The following FRMD4A variants were observed in gnomAD, a reference collection of about 807,000 sequenced individuals.
FRMD4A encodes the protein FERM domain containing 4A, also known as FERM domain-containing protein 4A.
A neutral mutation model predicts 129.1 loss-of-function variants in FRMD4A; 29 were observed. The observed-to-expected ratio is 0.22, with a 90% CI of 0.17 to 0.31. FRMD4A has a LOEUF of 0.31. Among genes scored for constraint, FRMD4A ranks in the 10% least tolerant of loss-of-function variants. FRMD4A has a pLI of 1.00. For synonymous variants in FRMD4A, 634 were observed against 571.6 expected, an observed-to-expected ratio of 1.11 and a Z score of -1.56; for missense variants, 1,272 against 1,375.8, an observed-to-expected ratio of 0.92 and a Z score of 1.19.
intron 3 of FRMD4A, among the ~76,000 whole-genome samples, chr10:13,824,133 C>T (rs1338805782): frequency 6.6e-6 from 1 of 152,000 alleles, no homozygotes; most frequent in Admixed American, 6.6e-5. Context: ...TGCATATCCA[C>T]AGGTTCTGCA....
intron 2 of FRMD4A, chr10:13,890,425 T>C (rs1359115334): frequency 9.6e-6 from 6 of 625,438 alleles, no homozygotes; most frequent in Non-Finnish European, 1.2e-5. Context: ...TCCCGGGCTC[T>C]CTGAGCGGTG....
intron 2 of FRMD4A, among the ~76,000 whole-genome samples, chr10:13,922,193 T>C (rs1380308306): frequency 1.3e-5 from 2 of 152,176 alleles, no homozygotes; most frequent in Non-Finnish European, 2.9e-5. Flanking sequence ...TAAATGTCTG[T>C]TGGTTAAGCC....
chr10:13,754,166 A>C (rs1477281034), intron 8 of FRMD4A, among the ~76,000 whole-genome samples: 1 of 152,220 alleles, frequency 6.6e-6, no homozygotes, highest in Admixed American at 6.5e-5. Context: ...GGTATAACTG[A>C]AAATATGATA....
At chr10:13,807,643 G>A (rs1192116978) in intron 4 of FRMD4A, among the ~76,000 whole-genome samples, 1 of 152,136 alleles carries the variant, frequency 6.6e-6, no homozygotes, top group Admixed American at 6.5e-5. Context: ...TGGAGTGAGA[G>A]AAGCTTAGAG....
At chr10:14,034,877 C>T (rs1377484801) in intron 2 of FRMD4A, among the ~76,000 whole-genome samples, 1 of 152,144 alleles carries the variant, frequency 6.6e-6, no homozygotes, top group Non-Finnish European at 1.5e-5. Context: ...GGACAATTTC[C>T]TGGTGGGAGG....
chr10:14,174,866 AGTGTGTGTGTGTCTGTGTGTGTGTGT>A (rs1316947034), intron 2 of FRMD4A, among the ~76,000 whole-genome samples: 11 of 139,524 alleles, frequency 7.9e-5, no homozygotes, highest in Admixed American at 2.1e-4. Flanking sequence ...TAAAAAAAAA[AGTGTGTGTGTGTCTGTGTGTGTGTGT>A]GTGTGTGTGT....
intron 2 of FRMD4A, among the ~76,000 whole-genome samples, chr10:14,110,783 T>A (rs1457127336): frequency 6.6e-6 from 1 of 152,220 alleles, no homozygotes; most frequent in Non-Finnish European, 1.5e-5. Flanking sequence ...AGTTACTTTT[T>A]TCTTTTTAAT....
intron 2 of FRMD4A, among the ~76,000 whole-genome samples, chr10:14,216,160 C>T (rs1283792657): frequency 2.6e-5 from 4 of 152,146 alleles, no homozygotes; most frequent in Admixed American, 2.6e-4. Flanking sequence ...AATTCCGTCC[C>T]GGGGTCTGAG....
chr10:14,236,302 T>C (rs1843812603), intron 2 of FRMD4A, among the ~76,000 whole-genome samples: 1 of 152,188 alleles, frequency 6.6e-6, no homozygotes, highest in African/African-American at 2.4e-5. Flanking sequence ...GAGCTCTTGG[T>C]TGTAATCCAA....
At chr10:14,106,908 A>T (rs909455022) in intron 2 of FRMD4A, among the ~76,000 whole-genome samples, 10 of 152,188 alleles carry the variant, frequency 6.6e-5, no homozygotes, top group African/African-American at 2.4e-4. Flanking sequence ...TCGTATGTTT[A>T]TCACAGCACT....
intron 3 of FRMD4A, among the ~76,000 whole-genome samples, chr10:13,814,491 G>A (rs574223548): frequency 6.8e-6 from 1 of 145,992 alleles, no homozygotes; most frequent in South Asian, 2.2e-4. Flanking sequence ...TCAGACCGGA[G>A]GATTGCTTGA....
chr10:14,070,619 G>A lies in FRMD4A; in HGVS notation c.46-211707C>T, dbSNP rs149874713. Among the ~76,000 whole-genome samples the A allele has an allele frequency of 2.2e-3, 335 of 152,232 alleles. 2 individuals carry two copies. The highest frequency in any genetic ancestry group is 7.8e-3 in the African/African-American group (322 of 41,514). The stretch of plus-strand genomic sequence containing the variant: ...CACTGGAACCCTCATTCACCTTAGG[G>A]CTCTGAAGCTTCTTTGGTCTGTTAT... On this transcript the variant is annotated intron_variant, in intron 2 of 24. Coordinates refer to ENST00000357447, the MANE Select transcript of FRMD4A (RefSeq NM_018027.5).
At chr10:14,144,092 G>A (rs1268860238) in intron 2 of FRMD4A, among the ~76,000 whole-genome samples, 1 of 152,140 alleles carries the variant, frequency 6.6e-6, no homozygotes, top group Non-Finnish European at 1.5e-5. Context: ...CAGTGCACAT[G>A]ACGGGAAGGA....
At chr10:13,941,550 T>TA (rs2095292594) in intron 2 of FRMD4A, among the ~76,000 whole-genome samples, 1 of 152,052 alleles carries the variant, frequency 6.6e-6, no homozygotes, top group South Asian at 2.1e-4. Flanking sequence ...CAAAACAGGG[T>TA]AAGAGAAGAG....
chr10:14,075,010 A>T (rs1198276285), intron 2 of FRMD4A, among the ~76,000 whole-genome samples: 8 of 151,884 alleles, frequency 5.3e-5, no homozygotes, highest in Non-Finnish European at 1.5e-5. Context: ...CATAGAGTAG[A>T]ATCAAAGAAA....
rs75889037 is a variant in FRMD4A at position 14,185,497 on chromosome 10, C to G, written c.45+144561G>C. On this transcript the variant is annotated intron_variant, in intron 2 of 24. Coordinates refer to ENST00000357447, the MANE Select transcript of FRMD4A (RefSeq NM_018027.5). Reference sequence around the variant, plus strand: ...TTACAACATTTTGTAATTTTTCTAACTTCAAGTATTTTTTGGAGGTTTGTT... The same window carrying G: ...TTACAACATTTTGTAATTTTTCTAAGTTCAAGTATTTTTTGGAGGTTTGTT... Among the ~76,000 whole-genome samples, 28 of 152,050 alleles carry G rather than the reference C, an allele frequency of 1.8e-4. No individual in the cohort carries two copies. In the East Asian group the frequency reaches 3.9e-3, roughly 21 times the overall value.
At chr10:14,284,213 C>A (rs969251177) in intron 2 of FRMD4A, among the ~76,000 whole-genome samples, 1 of 152,158 alleles carries the variant, frequency 6.6e-6, no homozygotes, top group African/African-American at 2.4e-5. Flanking sequence ...GTTCACCCTC[C>A]TACAGTGGCC....
intron 2 of FRMD4A, among the ~76,000 whole-genome samples, chr10:13,941,418 T>G (rs140813668): frequency 4.6e-5 from 7 of 152,222 alleles, no homozygotes; most frequent in African/African-American, 1.7e-4. Context: ...GTCTGGGGTA[T>G]GTCTTTATCA....
At chr10:14,010,967 G>C (rs544680548) in intron 2 of FRMD4A, among the ~76,000 whole-genome samples, 1 of 152,168 alleles carries the variant, frequency 6.6e-6, no homozygotes, top group Non-Finnish European at 1.5e-5. Context: ...GTTATCAAAG[G>C]CTACTTCCAT....
Sources: gnomAD v4.1 joint callset for allele counts (sites outside exome capture counted in the v4.1 genomes callset) on GRCh38, gnomAD v4.1.1 for gene constraint, MANE v1.5 for transcripts, NCBI Gene and HGNC (gene_info 2026-07-23, HGNC 2026-07-21) for gene names.